Variants in MYT1L observed in about 807,000 individuals in gnomAD.
MYT1L encodes myelin transcription factor 1 like.
MYT1L carries 12 observed loss-of-function variants against 126.7 expected under a neutral mutation model. The ratio of observed to expected loss-of-function variants is 0.09; its 90% confidence interval spans 0.06 to 0.15. The LOEUF is 0.15. MYT1L is among the 10% of genes least tolerant of loss of function. The pLI, the probability that MYT1L is intolerant of heterozygous loss-of-function variation, is 1.00. For synonymous variants in MYT1L, 541 were observed against 604.2 expected (o/e 0.90, Z 1.53); for missense variants, 979 against 1,585.2 (o/e 0.62, Z 6.49).
chr2:1,914,402 G>A (rs949297203), intron 11 of MYT1L, among the ~76,000 whole-genome samples: 14 of 151,994 alleles, frequency 9.2e-5, no homozygotes, highest in African/African-American at 2.9e-4. Flanking sequence ...GTTTCTGTGC[G>A]TCATCTTACC....
chr2:2,250,193 G>A (rs532662143), intron 2 of MYT1L, among the ~76,000 whole-genome samples: 1 of 152,206 alleles, frequency 6.6e-6, no homozygotes, highest in East Asian at 1.9e-4. Context: ...AGGAAATCAG[G>A]TAATTGAAGA....
chr2:1,909,001 GT>G (rs1192948144), intron 13 of MYT1L, among the ~76,000 whole-genome samples: 1 of 152,176 alleles, frequency 6.6e-6, no homozygotes, highest in Non-Finnish European at 1.5e-5. Flanking sequence ...GAGGAAGGGA[GT>G]TTAATTACTA....
intron 1 of MYT1L, among the ~76,000 whole-genome samples, chr2:2,305,436 A>G (rs575035159): frequency 7.2e-5 from 11 of 152,368 alleles, no homozygotes; most frequent in Non-Finnish European, 7.3e-5. Context: ...ACTTGTATTA[A>G]ATACTAAAGT....
At chr2:2,051,880 A>C (rs2068868612) in intron 4 of MYT1L, among the ~76,000 whole-genome samples, 1 of 152,210 alleles carries the variant, frequency 6.6e-6, no homozygotes, top group Admixed American at 6.5e-5. Flanking sequence ...AAACTTAGCC[A>C]TATGATCTAC....
chr2:2,116,399 C>G lies in MYT1L; in HGVS notation c.-304+56473G>C, dbSNP rs187900967. Among the ~76,000 whole-genome samples the G allele has an allele frequency of 4.9e-3, 748 of 152,356 alleles. 5 individuals carry two copies. Among genetic ancestry groups the G allele is most frequent in the African/African-American group, 0.017 (722 of 41,578 alleles). On this transcript the variant is annotated intron_variant, in intron 3 of 24. Coordinates refer to ENST00000647738, the MANE Select transcript of MYT1L (RefSeq NM_001303052.2). Reference sequence around the variant, plus strand: ...CTCTCTTCTCCATTCTCTGCCCTTGCTCCCAGGAGATCTCAATCACAGTGA... The same window carrying G: ...CTCTCTTCTCCATTCTCTGCCCTTGGTCCCAGGAGATCTCAATCACAGTGA...
intron 2 of MYT1L, among the ~76,000 whole-genome samples, chr2:2,238,853 A>C (rs1179677220): frequency 6.6e-6 from 1 of 152,202 alleles, no homozygotes; most frequent in Non-Finnish European, 1.5e-5. Context: ...ATAGCTGTAC[A>C]CGTCCCAGTC....
At chr2:2,045,776 T>C (rs1221046201) in intron 4 of MYT1L, among the ~76,000 whole-genome samples, 6 of 152,288 alleles carry the variant, frequency 3.9e-5, no homozygotes, top group Admixed American at 1.3e-4. Flanking sequence ...TTCCACACTA[T>C]TCTCTCAAAT....
At chr2:2,002,040 C>T (rs773896432) in intron 4 of MYT1L, among the ~76,000 whole-genome samples, 1 of 152,038 alleles carries the variant, frequency 6.6e-6, no homozygotes, top group African/African-American at 2.4e-5. Flanking sequence ...GATTTGAAAC[C>T]GTGATAAAAT....
intron 4 of MYT1L, among the ~76,000 whole-genome samples, chr2:2,042,794 C>A (rs1215132765): frequency 6.6e-6 from 1 of 152,212 alleles, no homozygotes; most frequent in African/African-American, 2.4e-5. Context: ...AAACGCCCGG[C>A]ATGCATCCAG....
At chr2:2,260,657 A>AT (rs112698274) in intron 2 of MYT1L, among the ~76,000 whole-genome samples, 5,569 of 149,434 alleles carry the variant, frequency 0.037, 165 homozygotes, top group African/African-American at 0.082. Flanking sequence ...CTGGTGAATT[A>AT]TTTTTTTTTT....
chr2:2,133,093 C>T (rs2082596990), intron 3 of MYT1L, among the ~76,000 whole-genome samples: 1 of 152,164 alleles, frequency 6.6e-6, no homozygotes, highest in Non-Finnish European at 1.5e-5. Flanking sequence ...GGGACGAAGA[C>T]ACACGTTAAG....
chr2:1,854,814 C>T (rs902614235), intron 18 of MYT1L, among the ~76,000 whole-genome samples: 1 of 152,190 alleles, frequency 6.6e-6, no homozygotes, highest in African/African-American at 2.4e-5. Context: ...GGCCTGACGT[C>T]GTCTCCTTCT....
chr2:2,000,838 C>T (rs893691345), intron 4 of MYT1L, among the ~76,000 whole-genome samples: 13 of 152,148 alleles, frequency 8.5e-5, no homozygotes, highest in Admixed American at 6.5e-4. Context: ...ATTGCAAAGG[C>T]CCTGAGGCTA....
chr2:2,253,806 G>A (rs2094727805), intron 2 of MYT1L, among the ~76,000 whole-genome samples: 1 of 151,890 alleles, frequency 6.6e-6, no homozygotes, highest in Non-Finnish European at 1.5e-5. Context: ...GAAACAGGAA[G>A]CGGGGCAGGA....
At chr2:2,055,322 TTG>T (rs1650785867) in intron 3 of MYT1L, among the ~76,000 whole-genome samples, 1 of 152,226 alleles carries the variant, frequency 6.6e-6, no homozygotes, top group Non-Finnish European at 1.5e-5. Context: ...AGCAAATAAG[TTG>T]TGATTTCCAC....
chr2:2,286,171 C>T (rs773736489), intron 1 of MYT1L, among the ~76,000 whole-genome samples: 16 of 152,068 alleles, frequency 1.1e-4, no homozygotes, highest in East Asian at 3.9e-4. Context: ...TTAGTAGAGA[C>T]GGGGTTTCAC....
chr2:2,211,776 G>A (rs2093518204), intron 2 of MYT1L, among the ~76,000 whole-genome samples: 1 of 139,258 alleles, frequency 7.2e-6, no homozygotes, highest in Non-Finnish European at 1.5e-5. Context: ...TTGCACTCCA[G>A]CCTGGGGACA....
intron 4 of MYT1L, among the ~76,000 whole-genome samples, chr2:2,053,377 T>C (rs530438513): frequency 6.6e-6 from 1 of 152,324 alleles, no homozygotes; most frequent in South Asian, 2.1e-4. Flanking sequence ...TATCACTAAT[T>C]GCACATTTGA....
At chr2:1,823,380 C>A (rs1023803952) in intron 21 of MYT1L, among the ~76,000 whole-genome samples, 1 of 152,226 alleles carries the variant, frequency 6.6e-6, no homozygotes, top group African/African-American at 2.4e-5. Flanking sequence ...GTAGTTGTAG[C>A]CTTCTCTCCA....
Sources: gnomAD v4.1 joint callset for allele counts (sites outside exome capture counted in the v4.1 genomes callset) on GRCh38, gnomAD v4.1.1 for gene constraint, MANE v1.5 for transcripts, NCBI Gene and HGNC (gene_info 2026-07-23, HGNC 2026-07-21) for gene names.